LARGE1: variants seen among roughly 807,000 people sequenced by gnomAD.
LARGE1 encodes xylosyl- and glucuronyltransferase LARGE1.
Under a neutral mutation model 87.6 loss-of-function variants are expected in LARGE1, and 43 were observed. The ratio of observed to expected loss-of-function variants is 0.49; its 90% CI spans 0.38 to 0.63. The LOEUF (loss-of-function observed/expected upper bound fraction) is 0.63. Ranked by LOEUF, LARGE1 falls within the 30% of genes least tolerant of loss-of-function variation. The pLI is 0.00. For synonymous variants in LARGE1, 434 were observed against 394.6 expected, an observed-to-expected ratio of 1.10 and a Z score of -1.18; for missense variants, 802 against 1,000.2, an observed-to-expected ratio of 0.80 and a Z score of 2.67.
intron 1 of LARGE1, among the ~76,000 whole-genome samples, chr22:33,879,034 G>GTCT: frequency 6.6e-6 from 1 of 150,718 alleles, no homozygotes; most frequent in Middle Eastern, 3.4e-3. Context: ...ATGCAATGGC[G>GTCT]TGATCTCAGC....
intron 6 of LARGE1, among the ~76,000 whole-genome samples, chr22:33,449,466 A>G (rs1208450538): frequency 6.6e-6 from 1 of 152,202 alleles, no homozygotes; most frequent in Non-Finnish European, 1.5e-5. Flanking sequence ...TGGGTTTTAG[A>G]TTATCAATGT....
At chr22:33,810,003 G>A (rs1009590621) in intron 1 of LARGE1, among the ~76,000 whole-genome samples, 8 of 152,124 alleles carry the variant, frequency 5.3e-5, no homozygotes, top group African/African-American at 1.7e-4. Context: ...GTTATAGGCG[G>A]GTGTTGCTAC....
At chr22:33,257,513 A>G (rs1927375268) in intron 11 of LARGE1, among the ~76,000 whole-genome samples, 1 of 152,238 alleles carries the variant, frequency 6.6e-6, no homozygotes, top group African/African-American at 2.4e-5. Flanking sequence ...TGGAATTCCA[A>G]GTTAATCTTA....
At chr22:33,387,675 G>C (rs2065377424) in intron 7 of LARGE1, among the ~76,000 whole-genome samples, 2 of 152,166 alleles carry the variant, frequency 1.3e-5, no homozygotes, top group South Asian at 4.1e-4. Context: ...CTTGGCAGAT[G>C]TGATTTGCCA....
intron 7 of LARGE1, among the ~76,000 whole-genome samples, chr22:33,415,037 G>T (rs936707073): frequency 3.3e-5 from 5 of 151,974 alleles, no homozygotes; most frequent in Admixed American, 6.5e-5. Flanking sequence ...TATTTTTTTC[G>T]ATTCAAACAA....
intron 2 of LARGE1, among the ~76,000 whole-genome samples, chr22:33,748,024 CAAAAAA>C (rs535230421): frequency 1.1e-3 from 24 of 21,724 alleles, no homozygotes; most frequent in African/African-American, 2.4e-3. Flanking sequence ...TCTGCTGGAG[CAAAAAA>C]AAAAAAAAAA....
chr22:33,696,800 A>G (rs1490336250), intron 2 of LARGE1, among the ~76,000 whole-genome samples: 1 of 152,028 alleles, frequency 6.6e-6, no homozygotes, highest in African/African-American at 2.4e-5. Context: ...GTGGTTTTTA[A>G]TGCATCTCTT....
chr22:33,317,303 A>C (rs745634601), intron 10 of LARGE1, among the ~76,000 whole-genome samples: 1 of 152,120 alleles, frequency 6.6e-6, no homozygotes, highest in Non-Finnish European at 1.5e-5. Context: ...AACGCTCAAA[A>C]CTGACAAGGA....
chr22:33,531,926 C>T (rs971689803), intron 6 of LARGE1, among the ~76,000 whole-genome samples: 1 of 152,244 alleles, frequency 6.6e-6, no homozygotes, highest in Non-Finnish European at 1.5e-5. Flanking sequence ...TTCCATGCAA[C>T]AGACACTGCA....
chr22:33,811,761 T>C (rs528967391), intron 1 of LARGE1, among the ~76,000 whole-genome samples: 1 of 152,312 alleles, frequency 6.6e-6, no homozygotes, highest in Admixed American at 6.5e-5. Context: ...GGGAATGTCA[T>C]GAGCTGCTCT....
chr22:33,884,448 C>T (rs1460095955), intron 1 of LARGE1, among the ~76,000 whole-genome samples: 2 of 152,174 alleles, frequency 1.3e-5, no homozygotes, highest in African/African-American at 4.8e-5. Flanking sequence ...CTTCTGAGGC[C>T]CCCATATTGT....
At chr22:33,264,673 CA>C (rs763785494) in intron 11 of LARGE1, among the ~76,000 whole-genome samples, 4 of 151,982 alleles carry the variant, frequency 2.6e-5, no homozygotes, top group Non-Finnish European at 5.9e-5. Context: ...CAAAACAAAA[CA>C]AAACAAAAAC....
At chr22:33,422,361 T>G (rs924663755) in intron 7 of LARGE1, among the ~76,000 whole-genome samples, 7 of 152,194 alleles carry the variant, frequency 4.6e-5, no homozygotes, top group African/African-American at 1.7e-4. Flanking sequence ...TTCTGCAGGC[T>G]TTACAAGAAG....
At chr22:33,784,636 C>T (rs1300983139) in intron 1 of LARGE1, among the ~76,000 whole-genome samples, 1 of 152,058 alleles carries the variant, frequency 6.6e-6, no homozygotes, top group African/African-American at 2.4e-5. Context: ...TGGCATTCTA[C>T]CCTCAAAGAA....
chr22:33,551,796 T>C (rs1248984840), intron 6 of LARGE1, among the ~76,000 whole-genome samples: 1 of 152,024 alleles, frequency 6.6e-6, no homozygotes, highest in African/African-American at 2.4e-5. Context: ...AAGCAGCTGA[T>C]GTTAAAAGTT....
chr22:33,899,336 G>A (rs549424495), intron 1 of LARGE1, among the ~76,000 whole-genome samples: 1 of 152,274 alleles, frequency 6.6e-6, no homozygotes, highest in African/African-American at 2.4e-5. Context: ...TGGGTTTAAC[G>A]GATCATCAAA....
intron 9 of LARGE1, among the ~76,000 whole-genome samples, chr22:33,372,463 A>G (rs1569104236): frequency 6.6e-6 from 1 of 152,210 alleles, no homozygotes; most frequent in Non-Finnish European, 1.5e-5. Flanking sequence ...CACGTGGTTG[A>G]GGAGGCCTCA....
Position 33,808,955 on chromosome 22 carries a change from G to A in LARGE1, c.-82-47397C>T, listed in dbSNP as rs571603290. On this transcript the variant is annotated intron_variant, in intron 1 of 14. Coordinates refer to ENST00000397394, the MANE Select transcript of LARGE1 (RefSeq NM_133642.5). ...ACTCAGTACATCCTTCCCTAACCCC[G>A]CCCACCCACCCCATGTATTAAAAAG... Among the ~76,000 whole-genome samples, 242 of 96,052 alleles carry A rather than the reference G, an allele frequency of 2.5e-3. 1 individual carries two copies. Among genetic ancestry groups the A allele is most frequent in the Non-Finnish European group, 4.0e-3 (184 of 46,188 alleles). The allele number at this position is 96,052 out of a possible 152,430, so 63.0% of individuals were successfully genotyped here.
intron 1 of LARGE1, among the ~76,000 whole-genome samples, chr22:33,769,900 C>G (rs2085013631): frequency 6.6e-6 from 1 of 152,238 alleles, no homozygotes; most frequent in Non-Finnish European, 1.5e-5. Flanking sequence ...CTATCGTCCT[C>G]CCTGTCCTTG....
Sources: allele counts gnomAD v4.1 joint callset (sites outside exome capture counted in the v4.1 genomes callset), GRCh38; gene constraint gnomAD v4.1.1; transcripts MANE v1.5; gene names NCBI Gene and HGNC (gene_info 2026-07-23, HGNC 2026-07-21).